Variants in FHIT observed in about 807,000 individuals in gnomAD.
The protein encoded by FHIT is fragile histidine triad diadenosine triphosphatase, also known as bis(5'-adenosyl)-triphosphatase.
In FHIT, 19 loss-of-function variants were observed where a neutral mutation model predicts 17.9. The ratio of observed to expected loss-of-function variants is 1.06; its 90% CI spans 0.74 to 1.56. The LOEUF (loss-of-function observed/expected upper bound fraction) is 1.56. Among genes scored for constraint, FHIT ranks in the 40% most tolerant of loss-of-function variants. FHIT has a pLI of 0.00. For synonymous variants in FHIT, 81 were observed against 69.7 expected (o/e 1.16, Z -0.81); for missense variants, 248 against 189.2 (o/e 1.31, Z -1.82).
In FHIT at chr3:60,663,628, G is replaced by A. The variant is rs112900361; in HGVS notation, c.-17-126649C>T. On this transcript the variant is annotated intron_variant, in intron 4 of 9. Transcript: ENST00000492590. ...TTTTTTGTATTTTTACAAGAGAGGG[G>A]GTTTCATCATGTTGGCCAGGCTGGT... Among the ~76,000 whole-genome samples, 1,506 of 151,818 alleles carry A rather than the reference G, an allele frequency of 9.9e-3. 31 individuals carry two copies. Among genetic ancestry groups the A allele is most frequent in the African/African-American group, 0.035 (1,441 of 41,384 alleles).
intron 8 of FHIT, among the ~76,000 whole-genome samples, chr3:59,876,552 A>G (rs537313636): frequency 1.3e-5 from 2 of 152,228 alleles, no homozygotes; most frequent in African/African-American, 4.8e-5. Context: ...TTAGGGCACA[A>G]AACAGTCTTC....
intron 8 of FHIT, among the ~76,000 whole-genome samples, chr3:59,798,967 G>A (rs771929338): frequency 3.9e-5 from 6 of 152,164 alleles, no homozygotes; most frequent in Admixed American, 6.5e-5. Flanking sequence ...CTCCAGCCAC[G>A]TTGGTGAACT....
intron 5 of FHIT, among the ~76,000 whole-genome samples, chr3:60,161,940 T>C (rs1187218192): frequency 6.6e-6 from 1 of 152,144 alleles, no homozygotes; most frequent in African/African-American, 2.4e-5. Context: ...CTGCTGAGAT[T>C]GGATTAAAGG....
At chr3:60,052,931 C>T in intron 5 of FHIT, among the ~76,000 whole-genome samples, 1 of 151,776 alleles carries the variant, frequency 6.6e-6, no homozygotes. Context: ...GCAGTTAAAC[C>T]TGCCAGCCCA....
chr3:60,465,206 T>C (rs190350645), intron 5 of FHIT, among the ~76,000 whole-genome samples: 320 of 152,194 alleles, frequency 2.1e-3, no homozygotes, highest in African/African-American at 7.4e-3. Context: ...TGCTCATTTT[T>C]TAATCAGATT....
intron 8 of FHIT, among the ~76,000 whole-genome samples, chr3:59,836,794 T>A (rs1400311120): frequency 6.6e-6 from 1 of 151,992 alleles, no homozygotes; most frequent in Non-Finnish European, 1.5e-5. Context: ...AAGCCACCTG[T>A]CAAGAGAAAT....
intron 5 of FHIT, among the ~76,000 whole-genome samples, chr3:60,299,891 T>C (rs773831060): frequency 2.0e-5 from 3 of 152,042 alleles, no homozygotes; most frequent in Non-Finnish European, 4.4e-5. Flanking sequence ...TTAGCTGGAG[T>C]AGTACAGATA....
intron 5 of FHIT, among the ~76,000 whole-genome samples, chr3:60,033,144 A>G (rs1268535477): frequency 6.6e-6 from 1 of 152,212 alleles, no homozygotes; most frequent in African/African-American, 2.4e-5. Context: ...ATAAAAAGAC[A>G]TTTTAAAACA....
At chr3:60,972,067 A>T (rs1350523854) in intron 3 of FHIT, among the ~76,000 whole-genome samples, 3 of 152,194 alleles carry the variant, frequency 2.0e-5, no homozygotes, top group African/African-American at 4.8e-5. Context: ...ACTGTCAATG[A>T]GTGCTTAAAT....
chr3:60,233,808 G>C (rs1704624285), intron 5 of FHIT, among the ~76,000 whole-genome samples: 1 of 152,010 alleles, frequency 6.6e-6, no homozygotes, highest in Admixed American at 6.5e-5. Flanking sequence ...AGGATCTGAT[G>C]GTTTTATGAA....
intron 3 of FHIT, among the ~76,000 whole-genome samples, chr3:60,897,091 T>C (rs1317623660): frequency 6.6e-6 from 1 of 152,198 alleles, no homozygotes; most frequent in Non-Finnish European, 1.5e-5. Context: ...GCACTACCAA[T>C]ATCTTCTGGT....
intron 5 of FHIT, among the ~76,000 whole-genome samples, chr3:60,124,296 C>T (rs1455346488): frequency 6.6e-6 from 1 of 151,820 alleles, no homozygotes; most frequent in Non-Finnish European, 1.5e-5. Context: ...CTTCAACAGT[C>T]CCTGTAGCAA....
intron 3 of FHIT, among the ~76,000 whole-genome samples, chr3:60,923,740 T>C (rs893354818): frequency 9.2e-5 from 14 of 152,052 alleles, no homozygotes; most frequent in African/African-American, 3.4e-4. Context: ...ACACTGAGCA[T>C]GAGCCAAAGC....
At chr3:60,371,314 T>G (rs1438195122) in intron 5 of FHIT, among the ~76,000 whole-genome samples, 2 of 152,160 alleles carry the variant, frequency 1.3e-5, no homozygotes, top group African/African-American at 2.4e-5. Context: ...ACCTTAAATA[T>G]TCATCTTTTT....
intron 5 of FHIT, among the ~76,000 whole-genome samples, chr3:60,233,845 G>A (rs1363501664): frequency 6.6e-6 from 1 of 152,098 alleles, no homozygotes; most frequent in East Asian, 1.9e-4. Flanking sequence ...CATGCCCCCT[G>A]TACTTACATC....
intron 5 of FHIT, among the ~76,000 whole-genome samples, chr3:60,298,053 C>A (rs1246593338): frequency 6.6e-6 from 1 of 152,020 alleles, no homozygotes; most frequent in African/African-American, 2.4e-5. Context: ...ATGGAGAGGA[C>A]AAGGTATGTG....
At chr3:59,997,841 G>T (rs1200606453) in intron 7 of FHIT, among the ~76,000 whole-genome samples, 1 of 152,096 alleles carries the variant, frequency 6.6e-6, no homozygotes, top group African/African-American at 2.4e-5. Context: ...TAAGGCTCAG[G>T]AGACAGTGGG....
At chr3:60,339,201 G>C (rs1396223644) in intron 5 of FHIT, among the ~76,000 whole-genome samples, 1 of 151,890 alleles carries the variant, frequency 6.6e-6, no homozygotes, top group East Asian at 1.9e-4. Flanking sequence ...TATTTTCTTT[G>C]GATGTCAATT....
chr3:60,537,433 T>C, intron 4 of FHIT: 9 of 974,508 alleles, frequency 9.2e-6, no homozygotes, highest in Non-Finnish European at 1.1e-5. Context: ...AATAGCAATT[T>C]AGAACAAGTA....
Sources: allele counts gnomAD v4.1 joint callset (sites outside exome capture counted in the v4.1 genomes callset), GRCh38; gene constraint gnomAD v4.1.1; transcripts MANE v1.5; gene names NCBI Gene and HGNC (gene_info 2026-07-23, HGNC 2026-07-21).